The following SUCLG2 variants were observed in gnomAD, a reference collection of about 807,000 sequenced individuals.
The protein encoded by SUCLG2 is succinate--CoA ligase [GDP-forming] subunit beta, mitochondrial.
Under a neutral mutation model 47.9 loss-of-function variants are expected in SUCLG2, and 42 were observed. The observed-to-expected ratio is 0.88, with a 90% confidence interval of 0.69 to 1.14. The LOEUF is 1.14. SUCLG2 is among the 50% of genes most tolerant of loss of function. SUCLG2 has a pLI of 0.00. For missense variants in SUCLG2, 571 were observed against 525.9 expected, an observed-to-expected ratio of 1.09 and a Z score of -0.84; for synonymous variants, 195 against 197.3, an observed-to-expected ratio of 0.99 and a Z score of 0.10.
At chr3:67,569,077 T>C (rs1707544195) in intron 2 of SUCLG2, among the ~76,000 whole-genome samples, 1 of 152,142 alleles carries the variant, frequency 6.6e-6, no homozygotes, top group African/African-American at 2.4e-5. Context: ...TCCCCACCCC[T>C]ATCCTAACTG....
chr3:67,569,780 T>C (rs1229785315), intron 2 of SUCLG2, among the ~76,000 whole-genome samples: 1 of 152,198 alleles, frequency 6.6e-6, no homozygotes, highest in Non-Finnish European at 1.5e-5. Flanking sequence ...AGATGAGATT[T>C]TCAACTTAGA....
At chr3:67,394,810 T>A (rs1702483174) in intron 10 of SUCLG2, among the ~76,000 whole-genome samples, 1 of 151,786 alleles carries the variant, frequency 6.6e-6, no homozygotes, top group Admixed American at 6.6e-5. Context: ...CCCATCAGAC[T>A]AACAGCGGAT....
intron 2 of SUCLG2, among the ~76,000 whole-genome samples, chr3:67,539,009 G>C (rs944808667): frequency 1.3e-5 from 2 of 152,202 alleles, no homozygotes; most frequent in Non-Finnish European, 2.9e-5. Context: ...TGCAAACAGA[G>C]ACAATCTGAC....
intron 4 of SUCLG2, among the ~76,000 whole-genome samples, chr3:67,526,316 T>C (rs1706254008): frequency 6.6e-6 from 1 of 152,198 alleles, no homozygotes. Context: ...AAAAATCTCA[T>C]AATGTTTAGA....
At chr3:67,546,806 C>T (rs896167509) in intron 2 of SUCLG2, among the ~76,000 whole-genome samples, 2 of 152,072 alleles carry the variant, frequency 1.3e-5, no homozygotes, top group Admixed American at 6.5e-5. Context: ...GAGGCTGAGG[C>T]AGGAGAATTG....
intron 6 of SUCLG2, among the ~76,000 whole-genome samples, chr3:67,510,369 G>A (rs1705753969): frequency 6.6e-6 from 1 of 152,174 alleles, no homozygotes; most frequent in South Asian, 2.1e-4. Context: ...TAATGAGTAT[G>A]ATTAAATATT....
chr3:67,631,760 C>T (rs995859591), intron 1 of SUCLG2, among the ~76,000 whole-genome samples: 4 of 152,164 alleles, frequency 2.6e-5, no homozygotes, highest in African/African-American at 9.7e-5. Flanking sequence ...CTGCCACGTC[C>T]CATGAGACTA....
intron 1 of SUCLG2, among the ~76,000 whole-genome samples, chr3:67,645,610 T>C (rs185465902): frequency 6.6e-6 from 1 of 152,242 alleles, no homozygotes; most frequent in East Asian, 1.9e-4. Context: ...TTTCCCTGTA[T>C]TGTTGGCTTT....
intron 9 of SUCLG2, among the ~76,000 whole-genome samples, chr3:67,487,357 T>C (rs151058077): frequency 1.3e-5 from 2 of 152,234 alleles, no homozygotes; most frequent in South Asian, 2.1e-4. Flanking sequence ...CTCTACACAA[T>C]AGTATTTCAA....
chr3:67,422,641 T>C (rs1703194406), intron 9 of SUCLG2, among the ~76,000 whole-genome samples: 1 of 151,984 alleles, frequency 6.6e-6, no homozygotes, highest in Non-Finnish European at 1.5e-5. Flanking sequence ...GAACTTGATG[T>C]TGAGAATGAG....
chr3:67,577,823 T>C (rs1707782840), intron 2 of SUCLG2, among the ~76,000 whole-genome samples: 1 of 152,234 alleles, frequency 6.6e-6, no homozygotes, highest in Admixed American at 6.5e-5. Flanking sequence ...ACATATTTTA[T>C]ATGCACTTTC....
At chr3:67,479,792 T>C (rs1380483915) in intron 9 of SUCLG2, among the ~76,000 whole-genome samples, 1 of 152,214 alleles carries the variant, frequency 6.6e-6, no homozygotes, top group Admixed American at 6.5e-5. Context: ...AGAAAGTCAC[T>C]TAAAAATTAC....
chr3:67,569,367 A>G (rs1303600217), intron 2 of SUCLG2, among the ~76,000 whole-genome samples: 1 of 152,192 alleles, frequency 6.6e-6, no homozygotes, highest in Non-Finnish European at 1.5e-5. Flanking sequence ...GTAGGATTCA[A>G]TATTTCTTTT....
intron 10 of SUCLG2, among the ~76,000 whole-genome samples, chr3:67,382,150 G>A (rs1036268969): frequency 3.3e-5 from 5 of 152,178 alleles, no homozygotes; most frequent in Non-Finnish European, 7.4e-5. Context: ...CATATTAGGT[G>A]CAACAAATGT....
In SUCLG2 at chr3:67,520,499, GGT is replaced by G; in HGVS notation, c.551_552del (p.Asn184ThrfsTer6). 1 of 1,614,098 alleles carries G rather than the reference GGT, an allele frequency of 6.2e-7. No individual in the cohort carries two copies. The highest frequency in any genetic ancestry group is 8.5e-7 in the Non-Finnish European group (1 of 1,179,970). On this transcript the variant is annotated frameshift_variant, in exon 5 of 11. Coordinates refer to ENST00000307227, the MANE Select transcript of SUCLG2 (RefSeq NM_003848.4). LOFTEE classifies it high-confidence loss of function. ...GVDIEEVAAS[N>X]PELIFKEQID... ...AAACATACCTTAAAAATGAGCTCCG[GGT>G]TTGAAGCAGCCACCTCTTCAATGTC...
intron 9 of SUCLG2, among the ~76,000 whole-genome samples, chr3:67,482,986 C>G (rs1704956535): frequency 6.6e-6 from 1 of 152,008 alleles, no homozygotes; most frequent in Admixed American, 6.6e-5. Context: ...ATGAAAAAAC[C>G]CACAGATAAG....
Position 67,641,382 on chromosome 3 carries a change from C to A in SUCLG2, c.84+13121G>T, listed in dbSNP as rs116218624. Among the ~76,000 whole-genome samples the A allele has an allele frequency of 9.9e-3, 1,511 of 152,248 alleles. 31 individuals are homozygous for A. Among genetic ancestry groups the A allele is most frequent in the African/African-American group, 0.034 (1,410 of 41,524 alleles). On this transcript the variant is annotated intron_variant, in intron 1 of 10. Coordinates refer to ENST00000307227, the MANE Select transcript of SUCLG2 (RefSeq NM_003848.4). ...CAGCCAGAAAAGCATGCATCTCCAGCAAAAGTTCAGAGACTCCAGAAGTGC... is the reference window on the plus strand; with the variant it reads ...CAGCCAGAAAAGCATGCATCTCCAGAAAAAGTTCAGAGACTCCAGAAGTGC...
At chr3:67,603,249 T>C (rs1190624974) in intron 2 of SUCLG2, among the ~76,000 whole-genome samples, 7 of 152,230 alleles carry the variant, frequency 4.6e-5, no homozygotes, top group African/African-American at 1.7e-4. Flanking sequence ...ATTAAGATCT[T>C]TTTGCAAGAT....
At chr3:67,523,579 A>G (rs1706177702) in intron 4 of SUCLG2, among the ~76,000 whole-genome samples, 1 of 152,210 alleles carries the variant, frequency 6.6e-6, no homozygotes, top group African/African-American at 2.4e-5. Flanking sequence ...TATAAAATAC[A>G]GTAACAACTT....
Sources: gnomAD v4.1 joint callset for allele counts (sites outside exome capture counted in the v4.1 genomes callset) on GRCh38, gnomAD v4.1.1 for gene constraint, MANE v1.5 for transcripts, NCBI Gene and HGNC (gene_info 2026-07-23, HGNC 2026-07-21) for gene names.